The following STAG1 variants were observed in gnomAD, a reference collection of about 807,000 sequenced individuals.
The protein encoded by STAG1 is cohesin subunit SA-1.
Under a neutral mutation model 170.9 loss-of-function variants are expected in STAG1, and 26 were observed. The ratio of observed to expected loss-of-function variants is 0.15; its 90% CI spans 0.11 to 0.21. The LOEUF (loss-of-function observed/expected upper bound fraction) is 0.21, where lower values mean the gene tolerates loss of function less well. Ranked by LOEUF, STAG1 falls within the 10% of genes least tolerant of loss-of-function variation. The probability of loss-of-function intolerance (pLI) is 1.00; values close to 1 mark genes in which losing one functional copy is unlikely to be tolerated. For missense variants in STAG1, 964 were observed against 1,509.5 expected (o/e 0.64, Z 5.99); for synonymous variants, 514 against 497.7 (o/e 1.03, Z -0.44).
chr3:136,403,597 C>G (rs1204585274), intron 21 of STAG1, among the ~76,000 whole-genome samples: 1 of 152,028 alleles, frequency 6.6e-6, no homozygotes, highest in Non-Finnish European at 1.5e-5. Flanking sequence ...TGTTAAATTA[C>G]TAGAAGAGTG....
rs543206722 is a variant in STAG1, at chr3:136,452,310, A to G, written c.1314-163T>C. ...CCAGGTGCAGAGGCTCATGCCTGTA[A>G]TCCCAGCACTCTGGGAGGCCGAGGC... On this transcript the variant is annotated intron_variant, in intron 13 of 33. Transcript: ENST00000383202. Among the ~76,000 whole-genome samples, 39 of 152,136 alleles carry G rather than the reference A, an allele frequency of 2.6e-4. No homozygotes were observed. The East Asian group carries it at 5.2e-3, about 20-fold the overall frequency.
At chr3:136,604,499 C>T (rs1938837791) in intron 3 of STAG1, 26 bp from the exon 4 acceptor site, 2 of 1,574,740 alleles carry the variant, frequency 1.3e-6, no homozygotes, top group Non-Finnish European at 1.7e-6. Context: ...AAAAAGATTC[C>T]ATTCGATTAG....
rs555121165 is a variant in STAG1 at position 136,598,626 on chromosome 3, CTG to C, written c.297+5681_297+5682del. ...TATTTTTAGTAGAGACGGGGTTTCA[CTG>C]TGTTACCCAGGATGGTTTCGATCTC... On this transcript the variant is annotated intron_variant, in intron 4 of 33. Coordinates refer to ENST00000383202, the MANE Select transcript of STAG1 (RefSeq NM_005862.3). 2.0e-3 allele frequency among the ~76,000 whole-genome samples: 306 copies of C among 152,176 alleles called. 2 individuals carry two copies. Among genetic ancestry groups the C allele is most frequent in the African/African-American group, 7.2e-3 (299 of 41,514 alleles).
intron 1 of STAG1, among the ~76,000 whole-genome samples, chr3:136,707,356 C>A (rs2107914915): frequency 6.6e-6 from 1 of 152,232 alleles, no homozygotes; most frequent in South Asian, 2.1e-4. Flanking sequence ...GACAAACAAT[C>A]CAATTTACAA....
chr3:136,551,019 T>C (rs1936357712), intron 5 of STAG1, among the ~76,000 whole-genome samples: 1 of 152,118 alleles, frequency 6.6e-6, no homozygotes, highest in Non-Finnish European at 1.5e-5. Flanking sequence ...GTTTGTCAGT[T>C]TTCTCCTTTG....
chr3:136,648,229 G>A (rs970839538), intron 1 of STAG1, among the ~76,000 whole-genome samples: 4 of 152,144 alleles, frequency 2.6e-5, no homozygotes, highest in African/African-American at 9.7e-5. Flanking sequence ...CTAGACCATG[G>A]TTGTTAACCA....
At chr3:136,373,169 G>C (rs1045901475) in intron 23 of STAG1, among the ~76,000 whole-genome samples, 1 of 152,186 alleles carries the variant, frequency 6.6e-6, no homozygotes, top group East Asian at 1.9e-4. Context: ...ATGGTAGTTT[G>C]TATTTCTGTA....
In STAG1 at chr3:136,668,354, TATATATTATACATA is replaced by T. The variant is rs907155282; in HGVS notation, c.-83-37387_-83-37374del. Among the ~76,000 whole-genome samples, 44 of 146,610 alleles carry T rather than the reference TATATATTATACATA, an allele frequency of 3.0e-4. 1 individual carries two copies. Among genetic ancestry groups the T allele is most frequent in the Admixed American group, 2.3e-3 (33 of 14,486 alleles). On this transcript the variant is annotated intron_variant, in intron 1 of 33. Transcript: ENST00000383202. ...GATATATACCATATATTATACATGATATATATTATACATAATATATTATACATAATATATAAAAT... is the reference window on the plus strand; with the variant it reads ...GATATATACCATATATTATACATGATATATATTATACATAATATATAAAAT...
rs999308439 is a variant in STAG1, at chr3:136,546,169, T to C, written c.395-3974A>G. 5.3e-5 allele frequency among the ~76,000 whole-genome samples: 8 copies of C among 152,170 alleles called. 1 individual carries two copies. The highest frequency in any genetic ancestry group is 8.8e-5 in the Non-Finnish European group (6 of 68,024). ...AGATGTCCAAAGTATTTTCACCATA[T>C]CTTCAAGAACTATTAAAATAAGTTC... On this transcript the variant is annotated intron_variant, in intron 5 of 33. Coordinates refer to ENST00000383202, the MANE Select transcript of STAG1 (RefSeq NM_005862.3).
At chr3:136,467,509 A>C (rs901213964) in intron 12 of STAG1, among the ~76,000 whole-genome samples, 5 of 152,068 alleles carry the variant, frequency 3.3e-5, no homozygotes, top group East Asian at 1.9e-4. Context: ...ATTCATAAAG[A>C]AAGTCCTAAA....
intron 20 of STAG1, among the ~76,000 whole-genome samples, chr3:136,418,401 G>A (rs1229344228): frequency 1.2e-3 from 90 of 77,656 alleles, no homozygotes; most frequent in African/African-American, 4.0e-3. Context: ...AAAAAAAAAA[G>A]GTTTTTTTCA....
chr3:136,580,242 C>T (rs963579223), intron 4 of STAG1, among the ~76,000 whole-genome samples: 1 of 151,944 alleles, frequency 6.6e-6, no homozygotes, highest in African/African-American at 2.4e-5. Context: ...GCTGGGATTA[C>T]AGGCATGAGC....
chr3:136,512,244 T>C lies in STAG1; in HGVS notation c.676+8969A>G, dbSNP rs532303821. 3.5e-4 allele frequency among the ~76,000 whole-genome samples: 53 copies of C among 152,170 alleles called. 1 individual carries two copies. Among genetic ancestry groups the C allele is most frequent in the Admixed American group, 2.6e-3 (39 of 15,280 alleles). ...TCAATTTAGCCCAGGAGGTTGAGGC[T>C]GCAGTAAGTTGTAATCATGCCACTG... On this transcript the variant is annotated intron_variant, in intron 7 of 33. Transcript: ENST00000383202.
chr3:136,620,409 A>G lies in STAG1; in HGVS notation c.132+2737T>C, dbSNP rs1174795922. ...TCTGACAATTATAACTCTCAAGATTAATTAACAGCTTGGCATTCTGGCTTC... is the reference window on the plus strand; with the variant it reads ...TCTGACAATTATAACTCTCAAGATTGATTAACAGCTTGGCATTCTGGCTTC... On this transcript the variant is annotated intron_variant, in intron 3 of 33. Transcript: ENST00000383202. Among the ~76,000 whole-genome samples, 4 of 152,222 alleles carry G rather than the reference A, an allele frequency of 2.6e-5. No individual in the cohort carries two copies. The East Asian group carries it at 7.7e-4, about 29-fold the overall frequency.
intron 6 of STAG1, among the ~76,000 whole-genome samples, chr3:136,526,053 T>G (rs1935005593): frequency 6.6e-6 from 1 of 152,230 alleles, no homozygotes; most frequent in South Asian, 2.1e-4. Context: ...GACGTGGTGC[T>G]GAGAAGAATG....
chr3:136,478,878 C>T (rs1346390428), intron 9 of STAG1, among the ~76,000 whole-genome samples: 1 of 152,088 alleles, frequency 6.6e-6, no homozygotes, highest in Admixed American at 6.6e-5. Context: ...CTGCTATTTA[C>T]TAGCTGTGTG....
chr3:136,721,665 G>A (rs762809406), intron 1 of STAG1, among the ~76,000 whole-genome samples: 2 of 151,916 alleles, frequency 1.3e-5, no homozygotes, highest in African/African-American at 2.4e-5. Context: ...TGAGGCGGGC[G>A]GATCACGAGG....
chr3:136,399,008 G>T (rs923486343), intron 21 of STAG1, among the ~76,000 whole-genome samples, 179 bp from the exon 22 acceptor site: 3 of 152,082 alleles, frequency 2.0e-5, no homozygotes, highest in Non-Finnish European at 2.9e-5. Flanking sequence ...ACAAACCAAT[G>T]TATCAATCTG....
intron 21 of STAG1, among the ~76,000 whole-genome samples, chr3:136,412,282 G>C (rs535551778): frequency 2.6e-5 from 4 of 152,222 alleles, no homozygotes; most frequent in African/African-American, 9.6e-5. Flanking sequence ...TTACAGTAGA[G>C]TGCCAACTAA....
Sources: allele counts gnomAD v4.1 joint callset (sites outside exome capture counted in the v4.1 genomes callset), GRCh38; gene constraint gnomAD v4.1.1; transcripts MANE v1.5; gene names NCBI Gene and HGNC (gene_info 2026-07-23, HGNC 2026-07-21).